Variants in OPCML observed in about 807,000 individuals in gnomAD.
The protein encoded by OPCML is opioid-binding protein/cell adhesion molecule.
Under a neutral mutation model 37.8 loss-of-function variants are expected in OPCML, and 13 were observed. The observed-to-expected ratio is 0.34, with a 90% CI of 0.22 to 0.55. The LOEUF is 0.55. Ranked by LOEUF, OPCML falls within the 20% of genes least tolerant of loss-of-function variation. OPCML has a pLI of 0.91. For synonymous variants in OPCML, 176 were observed against 168.8 expected (o/e 1.04, Z -0.33); for missense variants, 341 against 435.6 (o/e 0.78, Z 1.93).
At chr11:133,527,378 A>G (rs955174572) in intron 1 of OPCML, among the ~76,000 whole-genome samples, 7 of 152,226 alleles carry the variant, frequency 4.6e-5, no homozygotes, top group African/African-American at 1.7e-4. Context: ...AAAGCTTAAC[A>G]ATTTCCTGTT....
chr11:133,264,893 A>G (rs1941609407), intron 1 of OPCML, among the ~76,000 whole-genome samples: 1 of 152,208 alleles, frequency 6.6e-6, no homozygotes, highest in African/African-American at 2.4e-5. Context: ...GCTGCACGGA[A>G]TAGTTAATTA....
In OPCML at chr11:132,674,066, A is replaced by G. The variant is rs565197653; in HGVS notation, c.147-16747T>C. ...TGAAGAGGCTCTTCAAAGTGTTTAG[A>G]TAAAGCAGACAAGCTCTGACAAAGC... On this transcript the variant is annotated intron_variant, in intron 2 of 7. Coordinates refer to ENST00000524381, the MANE Select transcript of OPCML (RefSeq NM_001012393.5). 2.3e-4 allele frequency among the ~76,000 whole-genome samples: 35 copies of G among 152,210 alleles called. 1 individual carries two copies. Among genetic ancestry groups the G allele is most frequent in the Non-Finnish European group, 1.5e-4 (10 of 68,038 alleles).
At chr11:132,979,224 T>G (rs981987116) in intron 1 of OPCML, among the ~76,000 whole-genome samples, 8 of 152,198 alleles carry the variant, frequency 5.3e-5, no homozygotes, top group African/African-American at 1.9e-4. Context: ...ATGCAATAGA[T>G]TCTCACAACA....
At chr11:132,945,932 A>G (rs528219399) in intron 1 of OPCML, among the ~76,000 whole-genome samples, 124 of 152,226 alleles carry the variant, frequency 8.1e-4, no homozygotes, top group African/African-American at 2.3e-3. Context: ...ACAGGCGCCC[A>G]CCACCATGCC....
At chr11:133,168,105 C>T (rs191351129) in intron 1 of OPCML, among the ~76,000 whole-genome samples, 1 of 152,236 alleles carries the variant, frequency 6.6e-6, no homozygotes, top group African/African-American at 2.4e-5. Context: ...TCCCATCTCC[C>T]AAGGAGAAGA....
At chr11:132,476,276 G>A (rs901727708) in intron 4 of OPCML, among the ~76,000 whole-genome samples, 2 of 152,076 alleles carry the variant, frequency 1.3e-5, no homozygotes, top group African/African-American at 4.8e-5. Flanking sequence ...GTGGAAGTCA[G>A]TGTGGCGATT....
intron 1 of OPCML, chr11:133,418,553 T>C: frequency 1.3e-6 from 1 of 758,882 alleles, no homozygotes; most frequent in Non-Finnish European, 1.6e-6. Flanking sequence ...GTTGACTCTA[T>C]CTTGCTTCTA....
chr11:133,105,600 T>C (rs1949144688), intron 1 of OPCML, among the ~76,000 whole-genome samples: 1 of 152,158 alleles, frequency 6.6e-6, no homozygotes, highest in Non-Finnish European at 1.5e-5. Context: ...ATTAAGACTA[T>C]GACAAATTTG....
At chr11:132,529,702 A>G (rs2096318768) in intron 3 of OPCML, among the ~76,000 whole-genome samples, 1 of 151,794 alleles carries the variant, frequency 6.6e-6, no homozygotes, top group Non-Finnish European at 1.5e-5. Flanking sequence ...CCATTGTGGA[A>G]CTCTTTTATT....
intron 2 of OPCML, among the ~76,000 whole-genome samples, chr11:132,927,874 T>C (rs1345235142): frequency 6.6e-6 from 1 of 152,066 alleles, no homozygotes; most frequent in Non-Finnish European, 1.5e-5. Context: ...TTTAAGTTGT[T>C]ATCAATTTAA....
chr11:132,439,895 C>T (rs1177811604), intron 4 of OPCML, among the ~76,000 whole-genome samples: 1 of 152,174 alleles, frequency 6.6e-6, no homozygotes, highest in Non-Finnish European at 1.5e-5. Flanking sequence ...CAACGTTCCC[C>T]TTTCCTTAGA....
intron 2 of OPCML, among the ~76,000 whole-genome samples, chr11:132,699,298 G>A (rs563019834): frequency 2.4e-4 from 36 of 152,022 alleles, no homozygotes; most frequent in African/African-American, 6.7e-4. Context: ...ATCTGCAAAC[G>A]GAGACAATTT....
At chr11:132,674,952 CT>C (rs1364585582) in intron 2 of OPCML, among the ~76,000 whole-genome samples, 1 of 152,068 alleles carries the variant, frequency 6.6e-6, no homozygotes, top group Non-Finnish European at 1.5e-5. Flanking sequence ...TGTGAATAAG[CT>C]TTTCCACTTA....
chr11:133,489,254 C>A (rs185324579), intron 1 of OPCML, among the ~76,000 whole-genome samples: 1 of 151,682 alleles, frequency 6.6e-6, no homozygotes, highest in African/African-American at 2.4e-5. Flanking sequence ...AAAGCTTCTG[C>A]ACAGCAAAAG....
chr11:133,069,609 A>T (rs907204325), intron 1 of OPCML, among the ~76,000 whole-genome samples: 30 of 152,194 alleles, frequency 2.0e-4, no homozygotes, highest in African/African-American at 7.0e-4. Flanking sequence ...TTGAAGCTAC[A>T]TGTGTGCCCT....
chr11:132,652,517 C>G (rs772334468), intron 3 of OPCML, among the ~76,000 whole-genome samples: 1 of 152,078 alleles, frequency 6.6e-6, no homozygotes, highest in Non-Finnish European at 1.5e-5. Context: ...GGTTCAAGAC[C>G]CAGCTCTGCT....
At chr11:133,446,835 T>G (rs1434559140) in intron 1 of OPCML, among the ~76,000 whole-genome samples, 3 of 152,214 alleles carry the variant, frequency 2.0e-5, no homozygotes, top group African/African-American at 7.2e-5. Flanking sequence ...CAGCATAAGT[T>G]TTTCAAGATT....
chr11:133,440,762 T>TATATATATATATATATATATATATA (rs1946347263), intron 1 of OPCML, among the ~76,000 whole-genome samples: 2 of 126,956 alleles, frequency 1.6e-5, no homozygotes, highest in Admixed American at 7.6e-5. Flanking sequence ...CCTACAGCAA[T>TATATATATATATATATATATATATA]TATATATATA....
At chr11:132,859,513 G>A (rs1942208211) in intron 2 of OPCML, 1 of 152,230 alleles carries the variant, frequency 6.6e-6, no homozygotes, top group Non-Finnish European at 1.5e-5. Flanking sequence ...GGAAACTCGT[G>A]TGGACTTCAG....
Sources: gnomAD v4.1 joint callset for allele counts (sites outside exome capture counted in the v4.1 genomes callset) on GRCh38, gnomAD v4.1.1 for gene constraint, MANE v1.5 for transcripts, NCBI Gene and HGNC (gene_info 2026-07-23, HGNC 2026-07-21) for gene names.